FAF1: variants seen among roughly 807,000 people sequenced by gnomAD.
FAF1 encodes the protein Fas associated factor 1.
In FAF1, 25 loss-of-function variants were observed where a neutral mutation model predicts 92.5. That is an observed-to-expected ratio of 0.27 (90% CI 0.20 to 0.38). The LOEUF (loss-of-function observed/expected upper bound fraction) is 0.38, where lower values mean the gene tolerates loss of function less well. FAF1 is among the 10% of genes least tolerant of loss of function. FAF1 has a pLI of 1.00. For synonymous variants in FAF1, 234 were observed against 273.2 expected, an observed-to-expected ratio of 0.86 and a Z score of 1.42; for missense variants, 636 against 793.3, an observed-to-expected ratio of 0.80 and a Z score of 2.38.
chr1:50,535,704 G>A (rs960233493), intron 14 of FAF1, among the ~76,000 whole-genome samples: 1 of 152,130 alleles, frequency 6.6e-6, no homozygotes, highest in Admixed American at 6.6e-5. Flanking sequence ...TTAATGAGAA[G>A]GACTTTTAGC....
intron 6 of FAF1, among the ~76,000 whole-genome samples, chr1:50,733,482 C>T (rs903167255): frequency 2.6e-5 from 4 of 152,184 alleles, no homozygotes; most frequent in African/African-American, 9.7e-5. Context: ...CTCTCTAACA[C>T]CCACTGTGAC....
intron 3 of FAF1, among the ~76,000 whole-genome samples, chr1:50,790,654 C>A (rs891194845): frequency 6.6e-6 from 1 of 151,446 alleles, no homozygotes; most frequent in African/African-American, 2.4e-5. Context: ...AGGAGTGTTT[C>A]AGTTGTAACA....
intron 1 of FAF1, among the ~76,000 whole-genome samples, chr1:50,942,436 C>T (rs1645141005): frequency 3.3e-5 from 5 of 151,248 alleles, no homozygotes; most frequent in Middle Eastern, 3.4e-3. Flanking sequence ...GTAAACCACA[C>T]TGTATTTTAA....
At position 50,898,339 on chromosome 1, in the gene FAF1, C is replaced by A. The variant is rs185459798; in HGVS notation, c.46-40342G>T. The stretch of plus-strand genomic sequence containing the variant: ...TCTTGAAAAACAACAACAACAACAA[C>A]AAAAAACTCTAGGAGTACTATGCAG... On this transcript the variant is annotated intron_variant, in intron 1 of 18. Transcript: ENST00000396153. 4.1e-3 allele frequency among the ~76,000 whole-genome samples: 620 copies of A among 152,168 alleles called. 3 individuals carry two copies. The highest frequency in any genetic ancestry group is 0.01 in the South Asian group (49 of 4,808).
At chr1:50,885,295 T>TTCTCTCTCTCTCTCTCTCTCTC (rs147647466) in intron 1 of FAF1, among the ~76,000 whole-genome samples, 190 of 137,176 alleles carry the variant, frequency 1.4e-3, no homozygotes, top group Non-Finnish European at 2.1e-3. Flanking sequence ...CCGTGTCTCT[T>TTCTCTCTCTCTCTCTCTCTCTC]TCTCTCTCTC....
chr1:50,547,432 A>G (rs1649081281), intron 13 of FAF1, among the ~76,000 whole-genome samples: 1 of 144,786 alleles, frequency 6.9e-6, no homozygotes, highest in Non-Finnish European at 1.5e-5. Flanking sequence ...TTTTTTTTTG[A>G]GATGGAGTTT....
At chr1:50,833,847 G>A (rs1044821960) in intron 2 of FAF1, among the ~76,000 whole-genome samples, 5 of 152,122 alleles carry the variant, frequency 3.3e-5, no homozygotes, top group African/African-American at 1.2e-4. Flanking sequence ...ATCTCAAATT[G>A]TAAAGTTTCT....
intron 4 of FAF1, 107 bp downstream of exon 4, chr1:50,787,892 CT>C: frequency 5.7e-6 from 5 of 870,978 alleles, no homozygotes; most frequent in East Asian, 2.6e-5. Flanking sequence ...TTTCAACTTG[CT>C]TTTTTTCCCT....
chr1:50,454,454 G>C (rs991001089), intron 18 of FAF1, among the ~76,000 whole-genome samples: 2 of 152,176 alleles, frequency 1.3e-5, no homozygotes, highest in East Asian at 3.8e-4. Flanking sequence ...TCCTGTAACA[G>C]AGTTAATCAT....
chr1:50,663,348 G>T (rs980097499), intron 7 of FAF1, among the ~76,000 whole-genome samples: 1 of 150,946 alleles, frequency 6.6e-6, no homozygotes, highest in Admixed American at 6.6e-5. Flanking sequence ...GTTTTAATAA[G>T]CTCTTTAGAT....
intron 4 of FAF1, among the ~76,000 whole-genome samples, chr1:50,758,762 T>G (rs998462733): frequency 4.6e-5 from 7 of 152,210 alleles, no homozygotes; most frequent in African/African-American, 1.4e-4. Flanking sequence ...GCATTCTAGG[T>G]GAAAATTTTA....
chr1:50,931,117 T>C (rs1279929986), intron 1 of FAF1, among the ~76,000 whole-genome samples: 1 of 152,222 alleles, frequency 6.6e-6, no homozygotes, highest in Non-Finnish European at 1.5e-5. Flanking sequence ...TCCAACCTGA[T>C]GGTCTCTACC....
In FAF1 at chr1:50,441,392, A is replaced by G. The variant is rs1185181544; in HGVS notation, c.*48T>C. 1 of 1,238,476 alleles carries G rather than the reference A, an allele frequency of 8.1e-7. No homozygotes were observed. The highest frequency in any genetic ancestry group is 1.5e-5 in the South Asian group (1 of 65,772). 76.7% of individuals were successfully genotyped at this position (1,238,476 alleles called of 1,614,324 possible). ...TGGCGAGGAGCCCTTCTCCTGACGC[A>G]GGCTGCTGGCTTGTCAAGGAATGGC... On this transcript the variant is annotated 3_prime_UTR_variant, in exon 19 of 19. Transcript: ENST00000396153.
chr1:50,744,851 C>T (rs1398206716), intron 4 of FAF1, 76 bp from the exon 5 acceptor site: 3 of 810,272 alleles, frequency 3.7e-6, no homozygotes, highest in Non-Finnish European at 6.1e-6. Flanking sequence ...AGAGCTAACA[C>T]TAATATGTGG....
rs994457294 is a variant in FAF1 at position 50,535,407 on chromosome 1, T to C, written c.1456A>G (p.Ile486Val). 1 of 1,612,704 alleles carries C rather than the reference T, an allele frequency of 6.2e-7. No individual in the cohort carries two copies. The highest frequency in any genetic ancestry group is 1.1e-5 in the South Asian group (1 of 90,962). Residue 486 changes from isoleucine to valine, a missense_variant, in exon 15 of 19, where the codon ATC (isoleucine) becomes GTC (valine). Physicochemically the swap from Ile to Val is conservative, Grantham distance 29. This residue lies in a region of FAF1 where 319 missense variants were observed against 451.0 expected (regional missense o/e 0.71). Coordinates refer to ENST00000396153, the MANE Select transcript of FAF1 (RefSeq NM_007051.3). ...TCTTCCTGTTGTTGGGCTGTGAAGA[T>C]CTCCATTGCAGCCATGAGTCTCATC... ...LMMRLMAAME[I>V]FTAQQQEDIK...
chr1:50,872,061 T>A (rs1181095389), intron 1 of FAF1, among the ~76,000 whole-genome samples: 1 of 126,080 alleles, frequency 7.9e-6, no homozygotes, highest in South Asian at 2.5e-4. Flanking sequence ...CCAGACTCCA[T>A]CTCAAAAAAA....
rs762835469 is a variant in FAF1, at chr1:50,583,736, A to G, written c.968-21T>C. On this transcript the variant is annotated intron_variant, in intron 10 of 18. Transcript: ENST00000396153. This position sits in a 1 kb window ranked among gnomAD's most constrained non-coding sequence, Gnocchi z 4.2. ...TGGCACTAAAAAACAAACAAAAGAA[A>G]AAACAAAAACAAAAAAACAAAACAA... 4 of 1,518,432 alleles carry G rather than the reference A, an allele frequency of 2.6e-6. No homozygotes were observed. Among genetic ancestry groups the G allele is most frequent in the Non-Finnish European group, 2.7e-6 (3 of 1,111,312 alleles). 94.1% of individuals were successfully genotyped at this position (1,518,432 alleles called of 1,614,324 possible). A position where few individuals can be genotyped will look rare whatever the true frequency, so the allele number is the denominator to read the frequency against.
At chr1:50,807,340 T>C (rs983120615) in intron 2 of FAF1, among the ~76,000 whole-genome samples, 1 of 152,190 alleles carries the variant, frequency 6.6e-6, no homozygotes, top group African/African-American at 2.4e-5. Flanking sequence ...CCACAGGCTG[T>C]ATAGAAGGCA....
intron 1 of FAF1, among the ~76,000 whole-genome samples, chr1:50,931,622 C>T (rs1283189968): frequency 6.6e-6 from 1 of 152,114 alleles, no homozygotes; most frequent in East Asian, 1.9e-4. Context: ...AATCCCAGCA[C>T]TTTAGGAGGC....
Sources: gnomAD v4.1 joint callset for allele counts (sites outside exome capture counted in the v4.1 genomes callset) on GRCh38, gnomAD v4.1.1 for gene constraint, gnomAD v4.1.1 regional missense constraint, Gnocchi (gnomAD v3.1) non-coding constraint, MANE v1.5 for transcripts, NCBI Gene and HGNC (gene_info 2026-07-23, HGNC 2026-07-21) for gene names.